The following SIL1 variants were observed in gnomAD, a reference collection of about 807,000 sequenced individuals.
The protein encoded by SIL1 is nucleotide exchange factor SIL1.
Under a neutral mutation model 49.1 loss-of-function variants are expected in SIL1, and 40 were observed. The observed-to-expected ratio is 0.81, with a 90% CI of 0.63 to 1.06. SIL1 has a LOEUF of 1.06. Ranked by LOEUF, SIL1 falls within the 50% of genes least tolerant of loss-of-function variation. The pLI is 0.00. For missense variants in SIL1, 500 were observed against 572.6 expected (o/e 0.87, Z 1.29); for synonymous variants, 253 against 250.8 (o/e 1.01, Z -0.08).
chr5:139,152,271 G>A (rs1751314810), intron 1 of SIL1, among the ~76,000 whole-genome samples: 1 of 152,194 alleles, frequency 6.6e-6, no homozygotes, highest in Non-Finnish European at 1.5e-5. Context: ...AAAGTATCCT[G>A]GGGTAAAAGA....
intron 4 of SIL1, among the ~76,000 whole-genome samples, chr5:139,050,429 AG>A (rs1285658893): frequency 6.6e-6 from 1 of 152,264 alleles, no homozygotes; most frequent in African/African-American, 2.4e-5. Flanking sequence ...TTGAGAAATA[AG>A]GCAACCTCTA....
At chr5:139,072,942 G>C (rs1769868146) in intron 3 of SIL1, among the ~76,000 whole-genome samples, 1 of 151,848 alleles carries the variant, frequency 6.6e-6, no homozygotes, top group South Asian at 2.1e-4. Flanking sequence ...ATGGCCAACA[G>C]GTATATAAAA....
intron 1 of SIL1, among the ~76,000 whole-genome samples, chr5:139,189,389 T>C (rs1752129524): frequency 6.6e-6 from 1 of 152,204 alleles, no homozygotes; most frequent in Non-Finnish European, 1.5e-5. Context: ...TGAACACTCC[T>C]TATGAGAATC....
At chr5:139,142,928 C>T (rs1304067914) in intron 1 of SIL1, among the ~76,000 whole-genome samples, 1 of 152,080 alleles carries the variant, frequency 6.6e-6, no homozygotes, top group Non-Finnish European at 1.5e-5. Flanking sequence ...GCCACCACGC[C>T]TGGCTAATTT....
intron 3 of SIL1, among the ~76,000 whole-genome samples, chr5:139,091,136 C>T (rs1770333935): frequency 6.6e-6 from 1 of 152,014 alleles, no homozygotes; most frequent in Non-Finnish European, 1.5e-5. Context: ...TTGGTGGCAA[C>T]AACTTGTTGA....
chr5:139,021,116 C>A, intron 7 of SIL1, 55 bp downstream of exon 7: 1 of 1,613,184 alleles, frequency 6.2e-7, no homozygotes, highest in South Asian at 1.1e-5. Flanking sequence ...ACCCTTCTTC[C>A]AAGCAGATCA....
chr5:139,081,633 C>T (rs2151770716), intron 3 of SIL1, among the ~76,000 whole-genome samples: 1 of 151,990 alleles, frequency 6.6e-6, no homozygotes, highest in African/African-American at 2.4e-5. Flanking sequence ...AATCCCAGCA[C>T]TCTGGGAGGC....
intron 7 of SIL1, among the ~76,000 whole-genome samples, chr5:138,973,755 G>A (rs924106489): frequency 2.0e-5 from 3 of 151,994 alleles, no homozygotes; most frequent in African/African-American, 7.3e-5. Flanking sequence ...TGACTAATTT[G>A]TTGTTGTGAT....
intron 4 of SIL1, among the ~76,000 whole-genome samples, chr5:139,044,121 C>A (rs1769102707): frequency 6.6e-6 from 1 of 152,190 alleles, no homozygotes; most frequent in Non-Finnish European, 1.5e-5. Context: ...TAGCTAGTAA[C>A]TCATTTATTG....
At chr5:139,119,402 T>C (rs1031315557) in intron 3 of SIL1, among the ~76,000 whole-genome samples, 5 of 152,108 alleles carry the variant, frequency 3.3e-5, no homozygotes, top group African/African-American at 4.8e-5. Flanking sequence ...CAGAAACAGA[T>C]AGAGTAGGAG....
chr5:139,055,654 G>A (rs1192495589), intron 3 of SIL1, among the ~76,000 whole-genome samples: 11 of 43,818 alleles, frequency 2.5e-4, no homozygotes, highest in Non-Finnish European at 2.2e-4. Flanking sequence ...CTCTCCCCAC[G>A]GTCTCCCTCT....
intron 7 of SIL1, among the ~76,000 whole-genome samples, chr5:139,004,588 C>T (rs536409616): frequency 1.4e-4 from 22 of 152,226 alleles, no homozygotes; most frequent in African/African-American, 5.3e-4. Flanking sequence ...CCATTCTATA[C>T]TCTAGTTTAC....
intron 6 of SIL1, among the ~76,000 whole-genome samples, chr5:139,025,667 C>A (rs570951085): frequency 6.6e-6 from 1 of 152,282 alleles, no homozygotes; most frequent in South Asian, 2.1e-4. Flanking sequence ...CCCCTCCAGG[C>A]CGCTGTGCTC....
At chr5:139,117,393 C>G (rs1375074688) in intron 3 of SIL1, among the ~76,000 whole-genome samples, 1 of 152,202 alleles carries the variant, frequency 6.6e-6, no homozygotes, top group Non-Finnish European at 1.5e-5. Flanking sequence ...CACCTGCCCT[C>G]AAAGGATGCC....
rs1282020169 is a variant in SIL1, at chr5:139,023,409, C to CCCTGCTT, written c.646-2118_646-2117insAAGCAGG. On this transcript the variant is annotated intron_variant, in intron 6 of 9. Transcript: ENST00000394817. ...AACACCCTGGAGGAAAGGAAAGAAG[C>CCCTGCTT]AGGGCACTGATAAGACAATGAGAGA... Among the ~76,000 whole-genome samples the CCCTGCTT allele has an allele frequency of 6.9e-3, 1,057 of 152,212 alleles. 12 individuals carry two copies. The highest frequency in any genetic ancestry group is 0.02 in the African/African-American group (814 of 41,542).
chr5:139,053,283 C>T (rs778844844), intron 3 of SIL1, among the ~76,000 whole-genome samples: 1 of 152,120 alleles, frequency 6.6e-6, no homozygotes, highest in Non-Finnish European at 1.5e-5. Flanking sequence ...ACATTGATAC[C>T]CAATCTACCT....
intron 1 of SIL1, among the ~76,000 whole-genome samples, chr5:139,156,408 A>AAAG (rs1554136251): frequency 0.032 from 4,838 of 151,806 alleles, 107 homozygotes; most frequent in Middle Eastern, 0.085. Flanking sequence ...ATTAAAAAAA[A>AAAG]AAGAAGCCAG....
At chr5:138,951,619 T>G (rs911838231) in intron 8 of SIL1, among the ~76,000 whole-genome samples, 169 bp downstream of exon 8, 7 of 152,140 alleles carry the variant, frequency 4.6e-5, no homozygotes, top group Non-Finnish European at 1.0e-4. Flanking sequence ...TCTAGTCACC[T>G]CGGCACACTG....
chr5:139,065,162 A>G (rs953220652), intron 3 of SIL1, among the ~76,000 whole-genome samples: 2 of 152,204 alleles, frequency 1.3e-5, no homozygotes, highest in Non-Finnish European at 2.9e-5. Flanking sequence ...TTCAGTAACA[A>G]TGAGGGCTGC....
Sources: gnomAD v4.1 joint callset for allele counts (sites outside exome capture counted in the v4.1 genomes callset) on GRCh38, gnomAD v4.1.1 for gene constraint, MANE v1.5 for transcripts, NCBI Gene and HGNC (gene_info 2026-07-23, HGNC 2026-07-21) for gene names.